The following XPO1 variants were observed in gnomAD, a reference collection of about 807,000 sequenced individuals.
The protein encoded by XPO1 is exportin 1.
XPO1 carries 5 observed loss-of-function variants against 133.3 expected under a neutral mutation model. The observed-to-expected ratio is 0.04, with a 90% CI of 0.02 to 0.08. The LOEUF (loss-of-function observed/expected upper bound fraction) is 0.08. Among genes scored for constraint, XPO1 ranks in the 10% least tolerant of loss-of-function variants. The pLI is 1.00. For synonymous variants in XPO1, 419 were observed against 408.2 expected (o/e 1.03, Z -0.32); for missense variants, 506 against 1,267.5 (o/e 0.40, Z 9.12).
chr2:61,521,553 A>G (rs13417520), intron 4 of XPO1, among the ~76,000 whole-genome samples: 2,759 of 152,326 alleles, frequency 0.018, 88 homozygotes, highest in African/African-American at 0.062. Context: ...AAATATGACT[A>G]CATTCCTCAA....
At chr2:61,513,974 G>C (rs1326369019) in intron 4 of XPO1, among the ~76,000 whole-genome samples, 1 of 152,038 alleles carries the variant, frequency 6.6e-6, no homozygotes, top group Non-Finnish European at 1.5e-5. Context: ...CACGAGGTCA[G>C]GAGATAGAGA....
intron 12 of XPO1, 184 bp downstream of exon 12, chr2:61,493,710 C>CGTG: frequency 3.1e-6 from 2 of 640,438 alleles, no homozygotes; most frequent in Non-Finnish European, 5.3e-6. Flanking sequence ...AGAGAAGGAC[C>CGTG]ACACTCTTGA....
At chr2:61,494,415 CAAACAA>C (rs1697140359) in intron 11 of XPO1, 2 of 222,086 alleles carry the variant, frequency 9.0e-6, no homozygotes, top group Non-Finnish European at 1.8e-5. Context: ...GAGGAGAGAA[CAAACAA>C]AATACTGAAT....
chr2:61,491,804 G>A (rs1697012717), intron 16 of XPO1, among the ~76,000 whole-genome samples: 1 of 151,620 alleles, frequency 6.6e-6, no homozygotes, highest in Non-Finnish European at 1.5e-5. Context: ...CGAGGCCAAG[G>A]TGGGAGGATC....
intron 16 of XPO1, among the ~76,000 whole-genome samples, chr2:61,491,381 G>A (rs926716207): frequency 1.3e-5 from 2 of 150,948 alleles, no homozygotes; most frequent in African/African-American, 2.4e-5. Flanking sequence ...GACCCCAGGA[G>A]GCAAGGCTGC....
In XPO1 at chr2:61,500,578, C is replaced by CAAAA. The variant is rs56213841; in HGVS notation, c.409-688_409-685dup. ...TGGGCAACAGGATGAGACTCCATCT[C>CAAAA]AAAAAAAAAAAAAAAAAAAAGAGCA... is the stretch of plus-strand genomic sequence containing the variant. On this transcript the variant is annotated intron_variant, in intron 6 of 24. Coordinates refer to ENST00000401558, the MANE Select transcript of XPO1 (RefSeq NM_003400.4). Among the ~76,000 whole-genome samples the CAAAA allele has an allele frequency of 3.3e-3, 132 of 40,404 alleles. 10 individuals are homozygous for CAAAA. Among genetic ancestry groups the CAAAA allele is most frequent in the Middle Eastern group, 0.021 (1 of 48 alleles). 26.5% of individuals were successfully genotyped at this position (40,404 alleles called of 152,430 possible). A position where few individuals can be genotyped will look rare whatever the true frequency, so the allele number is the denominator to read the frequency against.
rs1491506588 is a variant in XPO1, at chr2:61,482,033, C to CTTTTTTTT, written c.2972+346_2972+347insAAAAAAAA. On this transcript the variant is annotated intron_variant, in intron 23 of 24. Transcript: ENST00000401558. The stretch of plus-strand genomic sequence containing the variant: ...TACAGTCATGAGCCACCGTGCGTGG[C>CTTTTTTTT]CTTTTTTTTTTTTTTTTTTTTTTTG... Among the ~76,000 whole-genome samples, 147 of 86,808 alleles carry CTTTTTTTT rather than the reference C, an allele frequency of 1.7e-3. 36 individuals carry two copies. Among genetic ancestry groups the CTTTTTTTT allele is most frequent in the East Asian group, 0.016 (43 of 2,676 alleles). 56.9% of individuals were successfully genotyped at this position (86,808 alleles called of 152,430 possible).
chr2:61,513,679 C>T (rs1249056081), intron 4 of XPO1, among the ~76,000 whole-genome samples: 1 of 151,682 alleles, frequency 6.6e-6, no homozygotes, highest in Admixed American at 6.6e-5. Context: ...TTCTTGAATA[C>T]AACACAAAAA....
chr2:61,528,358 G>T (rs59575362), intron 2 of XPO1, among the ~76,000 whole-genome samples: 27,166 of 151,940 alleles, frequency 0.18, 2,965 homozygotes, highest in African/African-American at 0.3. Context: ...TTTTAGGCTG[G>T]GCACGGTGGC....
Position 61,494,100 on chromosome 2 carries a change from A to G in XPO1, c.1048-9T>C, listed in dbSNP as rs1697124358. On this transcript the variant is annotated splice_polypyrimidine_tract_variant and intron_variant, in intron 11 of 24. Coordinates refer to ENST00000401558, the MANE Select transcript of XPO1 (RefSeq NM_003400.4). ...AACATATAATGAAGGGCCTACACAG[A>G]AGACCAAAACTGTTAAAATAATTCT... is the stretch of plus-strand genomic sequence containing the variant. 5 of 1,608,074 alleles carry G rather than the reference A, an allele frequency of 3.1e-6. No individual in the cohort carries two copies. Among genetic ancestry groups the G allele is most frequent in the Non-Finnish European group, 4.2e-6 (5 of 1,178,236 alleles).
intron 10 of XPO1, 129 bp from the exon 11 acceptor site, chr2:61,495,742 G>A (rs1441291643): frequency 1.0e-5 from 9 of 873,560 alleles, no homozygotes; most frequent in Non-Finnish European, 1.4e-5. Context: ...TATGACCAAA[G>A]CTCACTGCAG....
At position 61,492,865 on chromosome 2, in the gene XPO1, C is replaced by T. The variant is rs1307484821; in HGVS notation, c.1384+50G>A. 6.4e-7 allele frequency: 1 copy of T among 1,567,848 alleles called. No homozygotes were observed. The highest frequency in any genetic ancestry group is 2.2e-5 in the East Asian group (1 of 44,596). On this transcript the variant is annotated intron_variant, in intron 13 of 24. Transcript: ENST00000401558. The surrounding 1 kb of genome is among the most constrained non-coding windows in gnomAD (Gnocchi z 5.6). ...GTACATTTCCTAAAATGTATTTCCA[C>T]CCCAGAATAGATTTATAAAGGTAAA...
In XPO1 at chr2:61,487,971, T is replaced by C. The variant is rs185240784; in HGVS notation, c.2313+194A>G. Among the ~76,000 whole-genome samples, 11 of 152,332 alleles carry C rather than the reference T, an allele frequency of 7.2e-5. No individual in the cohort carries two copies. In the East Asian group the frequency reaches 1.3e-3, roughly 19 times the overall value. On this transcript the variant is annotated intron_variant, in intron 19 of 24. Transcript: ENST00000401558. ...CATATCACCACCCTTCGCTACTGAT[T>C]AACAGCAGTTTCTTTTGAAGATGGA...
At chr2:61,529,597 G>A (rs1006523705) in intron 2 of XPO1, among the ~76,000 whole-genome samples, 7 of 151,906 alleles carry the variant, frequency 4.6e-5, no homozygotes, top group Admixed American at 2.0e-4. Context: ...GGAAGGCGGA[G>A]GTTGCAGTGA....
At chr2:61,510,133 C>G (rs1186580969) in intron 4 of XPO1, among the ~76,000 whole-genome samples, 2 of 151,992 alleles carry the variant, frequency 1.3e-5, no homozygotes, top group African/African-American at 4.8e-5. Flanking sequence ...AAAAAATAGC[C>G]AGGCATGGTG....
At chr2:61,512,247 T>C (rs1698132415) in intron 4 of XPO1, among the ~76,000 whole-genome samples, 1 of 152,208 alleles carries the variant, frequency 6.6e-6, no homozygotes, top group Non-Finnish European at 1.5e-5. Flanking sequence ...AATATTTACA[T>C]TTTCTTTTCA....
Position 61,494,091 on chromosome 2 carries a change from C to T in XPO1, c.1048G>A (p.Ala350Thr). The stretch of plus-strand genomic sequence containing the variant: ...GATACCAACAACATATAATGAAGGG[C>T]CTACACAGAAGACCAAAACTGTTAA... Reference protein sequence around the residue: ...RLNLRETLMEALHYMLLVSEV... With the variant: ...RLNLRETLMETLHYMLLVSEV... The change falls in exon 12 of 25, where the codon GCC (alanine) becomes ACC (threonine). Residue 350 changes from alanine to threonine, a missense_variant and splice_region_variant. By Grantham distance (58) the Ala-to-Thr change is moderately conservative. Coordinates refer to ENST00000401558, the MANE Select transcript of XPO1 (RefSeq NM_003400.4). 1 of 1,611,134 alleles carries T rather than the reference C, an allele frequency of 6.2e-7. No individual in the cohort carries two copies. The highest frequency in any genetic ancestry group is 1.1e-5 in the South Asian group (1 of 90,266).
chr2:61,493,829 T>A (rs1324608278), intron 12 of XPO1, 65 bp downstream of exon 12: 5 of 1,523,690 alleles, frequency 3.3e-6, no homozygotes, highest in Admixed American at 1.8e-5. Flanking sequence ...ATTAGAAGTA[T>A]TTGGATTCAG....
chr2:61,528,733 TTATATATATATATATATATA>T (rs10528074), intron 2 of XPO1, among the ~76,000 whole-genome samples: 2,670 of 115,826 alleles, frequency 0.023, 68 homozygotes, highest in African/African-American at 0.04. Context: ...GACATTTTAT[TTATATATATATATATATATA>T]TATATATATA....
Sources: allele counts gnomAD v4.1 joint callset (sites outside exome capture counted in the v4.1 genomes callset), GRCh38; gene constraint gnomAD v4.1.1; non-coding constraint Gnocchi (gnomAD v3.1); transcripts MANE v1.5; gene names NCBI Gene and HGNC (gene_info 2026-07-23, HGNC 2026-07-21).